GNG7: variants seen among roughly 807,000 people sequenced by gnomAD.
The protein encoded by GNG7 is guanine nucleotide-binding protein G(I)/G(S)/G(O) subunit gamma-7.
In GNG7, 1 loss-of-function variant was observed where a neutral mutation model predicts 4.0. The ratio of observed to expected loss-of-function variants is 0.25; its 90% CI spans 0.09 to 1.18. The LOEUF is 1.18. GNG7 is among the 50% of genes most tolerant of loss of function. GNG7 has a pLI of 0.50. For synonymous variants in GNG7, 34 were observed against 36.9 expected, an observed-to-expected ratio of 0.92 and a Z score of 0.29; for missense variants, 86 against 91.9, an observed-to-expected ratio of 0.94 and a Z score of 0.26.
At chr19:2,701,738 C>A (rs1373250855) in intron 1 of GNG7, among the ~76,000 whole-genome samples, 3 of 147,252 alleles carry the variant, frequency 2.0e-5, no homozygotes, top group African/African-American at 7.5e-5. Context: ...CAAACCTCAA[C>A]CCCACTCCCA....
chr19:2,660,941 T>C (rs11084951), intron 1 of GNG7, among the ~76,000 whole-genome samples: 5 of 151,504 alleles, frequency 3.3e-5, no homozygotes, highest in Non-Finnish European at 7.4e-5. Flanking sequence ...GCCGGGCACG[T>C]TGGCTCACAC....
At chr19:2,596,167 T>C (rs1455963381) in intron 2 of GNG7, among the ~76,000 whole-genome samples, 2 of 152,064 alleles carry the variant, frequency 1.3e-5, no homozygotes, top group Non-Finnish European at 2.9e-5. Context: ...GGGACCAGCA[T>C]GGCCAACATG....
At chr19:2,598,521 G>C (rs4807304) in intron 2 of GNG7, among the ~76,000 whole-genome samples, 12,539 of 151,290 alleles carry the variant, frequency 0.083, 1,213 homozygotes, top group East Asian at 0.35. Flanking sequence ...GCTGGGTGTG[G>C]TGGCGGGCGC....
intron 1 of GNG7, among the ~76,000 whole-genome samples, chr19:2,661,281 A>AG (rs1191625207): frequency 0.06 from 4,213 of 70,264 alleles, 243 homozygotes; most frequent in East Asian, 0.099. Flanking sequence ...AAAGAAAGAA[A>AG]GAAAGAAAGA....
At chr19:2,643,047 G>A (rs1472261595) in intron 2 of GNG7, 5 of 452,668 alleles carry the variant, frequency 1.1e-5, no homozygotes, top group African/African-American at 4.1e-5. Flanking sequence ...GAAATGCAAA[G>A]TCTGAGCCCT....
chr19:2,553,621 ATG>A (rs760101844), intron 3 of GNG7, among the ~76,000 whole-genome samples: 27,007 of 141,724 alleles, frequency 0.19, 2,763 homozygotes, highest in Non-Finnish European at 0.23. Context: ...TACTACATAC[ATG>A]CACACGTTAC....
rs866130104 is a variant in GNG7 at position 2,527,777 on chromosome 19, C to A, written c.-37-7052G>T. Among the ~76,000 whole-genome samples the A allele has an allele frequency of 3.2e-4, 48 of 151,326 alleles. 1 individual carries two copies. The South Asian group carries it at 5.4e-3, about 17-fold the overall frequency. On this transcript the variant is annotated intron_variant, in intron 3 of 4. Transcript: ENST00000382159. ...TCCACCCACTCCTTGCCAGGAAACCCCCCCCCCCACCAGTGCGCCCACAGT... is the reference window on the plus strand; with the variant it reads ...TCCACCCACTCCTTGCCAGGAAACCACCCCCCCCACCAGTGCGCCCACAGT...
chr19:2,616,512 C>T (rs774191810), intron 2 of GNG7, among the ~76,000 whole-genome samples: 3 of 152,182 alleles, frequency 2.0e-5, no homozygotes, highest in Non-Finnish European at 2.9e-5. Flanking sequence ...TGTGGTGGCT[C>T]ATGCCTATAA....
rs1978728918 is a variant in GNG7, at chr19:2,536,150, G to T, written c.-37-15425C>A. Among the ~76,000 whole-genome samples, 2 of 152,086 alleles carry T rather than the reference G, an allele frequency of 1.3e-5. 1 individual carries two copies. Among genetic ancestry groups the T allele is most frequent in the South Asian group, 4.1e-4 (2 of 4,822 alleles). The stretch of plus-strand genomic sequence containing the variant: ...AAAGAAAAGAAGGCCGGGCGCGGTG[G>T]CTCCCACCCGTAATCCCAGCACTTT... On this transcript the variant is annotated intron_variant, in intron 3 of 4. Coordinates refer to ENST00000382159, the MANE Select transcript of GNG7 (RefSeq NM_052847.3).
chr19:2,624,315 G>A (rs1449619000), intron 2 of GNG7, among the ~76,000 whole-genome samples: 1 of 151,934 alleles, frequency 6.6e-6, no homozygotes, highest in Non-Finnish European at 1.5e-5. Flanking sequence ...GGATCACGAG[G>A]TCAGGAGATC....
chr19:2,673,271 AACAAAAC>A (rs1983508921), intron 1 of GNG7, among the ~76,000 whole-genome samples: 1 of 144,914 alleles, frequency 6.9e-6, no homozygotes, highest in Non-Finnish European at 1.5e-5. Context: ...AAAAAAACAA[AACAAAAC>A]AAAACAAAAC....
intron 3 of GNG7, among the ~76,000 whole-genome samples, chr19:2,527,370 G>A (rs907828376): frequency 6.6e-6 from 1 of 152,144 alleles, no homozygotes; most frequent in Admixed American, 6.5e-5. Flanking sequence ...TTGGTGTCGC[G>A]CATCCCTCCA....
chr19:2,686,306 C>G (rs191094708), intron 1 of GNG7, among the ~76,000 whole-genome samples: 19 of 152,220 alleles, frequency 1.2e-4, no homozygotes, highest in African/African-American at 4.6e-4. Flanking sequence ...TACAGGCACC[C>G]GCCACCACGC....
chr19:2,598,132 C>T (rs1365437038), intron 2 of GNG7, among the ~76,000 whole-genome samples: 1 of 152,122 alleles, frequency 6.6e-6, no homozygotes, highest in East Asian at 1.9e-4. Context: ...CGACCGAATC[C>T]AGCTCTCACG....
intron 2 of GNG7, chr19:2,632,804 T>C (rs1390026027): frequency 6.6e-6 from 1 of 152,160 alleles, no homozygotes; most frequent in East Asian, 1.9e-4. Context: ...ATAAGAATAA[T>C]AATTCAGATC....
At chr19:2,591,137 A>G (rs1204815396) in intron 2 of GNG7, among the ~76,000 whole-genome samples, 1 of 152,188 alleles carries the variant, frequency 6.6e-6, no homozygotes, top group Non-Finnish European at 1.5e-5. Flanking sequence ...CTAGCAACTC[A>G]GCACCTCACA....
chr19:2,623,193 A>G (rs564027800), intron 2 of GNG7, among the ~76,000 whole-genome samples: 41 of 152,262 alleles, frequency 2.7e-4, no homozygotes, highest in African/African-American at 9.9e-4. Context: ...GTGGTGGTGC[A>G]CCTGTAGTCC....
chr19:2,596,134 G>A (rs1012019987), intron 2 of GNG7, among the ~76,000 whole-genome samples: 48 of 152,120 alleles, frequency 3.2e-4, no homozygotes, highest in Non-Finnish European at 5.1e-4. Context: ...CGAGGCGGGC[G>A]GATCACCTGA....
chr19:2,519,945 C>T (rs1465204090), intron 4 of GNG7, among the ~76,000 whole-genome samples: 1 of 152,002 alleles, frequency 6.6e-6, no homozygotes, highest in Non-Finnish European at 1.5e-5. Context: ...TTTGGGAGGC[C>T]GAGGCAGGCG....
Sources: allele counts gnomAD v4.1 joint callset (sites outside exome capture counted in the v4.1 genomes callset), GRCh38; gene constraint gnomAD v4.1.1; transcripts MANE v1.5; gene names NCBI Gene and HGNC (gene_info 2026-07-23, HGNC 2026-07-21).